Variants in AFF3 observed in about 807,000 individuals in gnomAD.
AFF3 encodes ALF transcription elongation factor 3, also known as AF4/FMR2 family member 3.
A neutral mutation model predicts 129.7 loss-of-function variants in AFF3; 32 were observed. The observed-to-expected ratio is 0.25, with a 90% CI of 0.19 to 0.33. The LOEUF (loss-of-function observed/expected upper bound fraction) is 0.33. Among genes scored for constraint, AFF3 ranks in the 10% least tolerant of loss-of-function variants. The pLI is 1.00. For missense variants in AFF3, 1,373 were observed against 1,592.0 expected (o/e 0.86, Z 2.34); for synonymous variants, 644 against 635.4 (o/e 1.01, Z -0.20).
chr2:99,724,601 C>CT (rs1344246641), intron 11 of AFF3, among the ~76,000 whole-genome samples: 1 of 151,974 alleles, frequency 6.6e-6, no homozygotes, highest in African/African-American at 2.4e-5. Flanking sequence ...CCTCAGATTC[C>CT]TTATCCATAA....
chr2:99,717,353 G>C (rs1481373132), intron 11 of AFF3, among the ~76,000 whole-genome samples: 1 of 152,158 alleles, frequency 6.6e-6, no homozygotes, highest in Non-Finnish European at 1.5e-5. Context: ...CAACGCATGA[G>C]AGTTTAAATT....
chr2:99,684,782 A>C (rs1674882494), intron 11 of AFF3, among the ~76,000 whole-genome samples: 1 of 150,178 alleles, frequency 6.7e-6, no homozygotes, highest in Non-Finnish European at 1.5e-5. Flanking sequence ...CAGCCCATGA[A>C]TTCAGCTTTA....
intron 17 of AFF3, 104 bp from the exon 18 acceptor site, chr2:99,578,555 T>C (rs551332323): frequency 6.7e-7 from 1 of 1,495,768 alleles, no homozygotes; most frequent in African/African-American, 1.4e-5. Context: ...CTACAGAACA[T>C]CTTTGTGTGC....
At chr2:99,957,170 CGTGTGTGTGTGCGT>C (rs939013079) in intron 7 of AFF3, among the ~76,000 whole-genome samples, 1 of 147,764 alleles carries the variant, frequency 6.8e-6, no homozygotes, top group Non-Finnish European at 1.5e-5. Context: ...TGTGCATGTA[CGTGTGTGTGTGCGT>C]GTGTGTGTGT....
chr2:99,624,403 A>T (rs1032736182), intron 13 of AFF3, among the ~76,000 whole-genome samples: 4 of 152,210 alleles, frequency 2.6e-5, no homozygotes, highest in Admixed American at 2.0e-4. Context: ...TTTATATTAT[A>T]ATATTTACTA....
At chr2:99,662,414 T>TA (rs1483711168) in intron 12 of AFF3, among the ~76,000 whole-genome samples, 1 of 152,120 alleles carries the variant, frequency 6.6e-6, no homozygotes, top group Non-Finnish European at 1.5e-5. Flanking sequence ...AAAACGAACA[T>TA]ACAGTATTCT....
intron 7 of AFF3, among the ~76,000 whole-genome samples, chr2:99,873,295 C>T (rs564338823): frequency 1.1e-3 from 167 of 152,298 alleles, no homozygotes; most frequent in African/African-American, 3.7e-3. Flanking sequence ...CTGCTAATAG[C>T]GTTTGGTAGC....
intron 11 of AFF3, among the ~76,000 whole-genome samples, chr2:99,692,652 T>C (rs1421289197): frequency 6.6e-6 from 1 of 152,202 alleles, no homozygotes; most frequent in East Asian, 1.9e-4. Flanking sequence ...ATCACTCCTC[T>C]AGAAGTCCAC....
At chr2:100,077,416 G>A (rs1207543570) in intron 4 of AFF3, among the ~76,000 whole-genome samples, 1 of 152,058 alleles carries the variant, frequency 6.6e-6, no homozygotes, top group Non-Finnish European at 1.5e-5. Context: ...GTCAGAATGT[G>A]GAGCTCCTCT....
intron 7 of AFF3, among the ~76,000 whole-genome samples, chr2:99,894,988 A>G (rs1693837428): frequency 6.6e-6 from 1 of 152,196 alleles, no homozygotes; most frequent in Non-Finnish European, 1.5e-5. Context: ...GCTGCCTTTC[A>G]TTCAGCATTT....
At chr2:99,716,612 G>A (rs903404676) in intron 11 of AFF3, among the ~76,000 whole-genome samples, 1 of 151,638 alleles carries the variant, frequency 6.6e-6, no homozygotes, top group African/African-American at 2.4e-5. Flanking sequence ...GCTGGGTGTG[G>A]TGGCTCATGT....
chr2:100,137,531 G>A (rs1027835728), intron 1 of AFF3, among the ~76,000 whole-genome samples: 8 of 135,428 alleles, frequency 5.9e-5, no homozygotes, highest in Middle Eastern at 8.1e-3. Flanking sequence ...ACGTGCACAC[G>A]TGCATACACA....
rs921361917 is a variant in AFF3, at chr2:99,548,206, C to T, written c.*3268G>A. 1 of 196,014 alleles carries T rather than the reference C, an allele frequency of 5.1e-6. No homozygotes were observed. The highest frequency in any genetic ancestry group is 2.3e-5 in the African/African-American group (1 of 43,272). The allele number at this position is 196,014 out of a possible 1,614,324, so 12.1% of individuals were successfully genotyped here. On this transcript the variant is annotated 3_prime_UTR_variant, in exon 25 of 25. Coordinates refer to ENST00000672756, the MANE Select transcript of AFF3 (RefSeq NM_001386135.1). ...TCATGGAAGGATATGGTCAGTTGAA[C>T]TTGTGTTGAACTTTGGAGGCAAATG...
At chr2:99,924,492 C>T (rs369399638) in intron 7 of AFF3, among the ~76,000 whole-genome samples, 87 of 152,316 alleles carry the variant, frequency 5.7e-4, no homozygotes, top group African/African-American at 2.1e-3. Flanking sequence ...CTCTAGTCCT[C>T]TCAGAATTCT....
chr2:99,824,476 TA>T (rs1234087587), intron 8 of AFF3, among the ~76,000 whole-genome samples: 1 of 152,052 alleles, frequency 6.6e-6, no homozygotes, highest in Admixed American at 6.5e-5. Flanking sequence ...GAAGTCACAA[TA>T]AAAAAGGCAC....
chr2:99,572,003 A>T (rs970796067), intron 18 of AFF3, among the ~76,000 whole-genome samples: 5 of 152,062 alleles, frequency 3.3e-5, no homozygotes, highest in Non-Finnish European at 7.4e-5. Flanking sequence ...TTTTTTTAAC[A>T]TGGAAAACCT....
At chr2:100,049,396 T>C (rs992035049) in intron 4 of AFF3, among the ~76,000 whole-genome samples, 1 of 152,222 alleles carries the variant, frequency 6.6e-6, no homozygotes, top group Non-Finnish European at 1.5e-5. Context: ...TTGAAAAAGC[T>C]GGAAGACTAT....
At chr2:99,947,609 T>A (rs201459045) in intron 7 of AFF3, among the ~76,000 whole-genome samples, 2,281 of 56,522 alleles carry the variant, frequency 0.04, 73 homozygotes, top group African/African-American at 0.16. Context: ...GAAAGATAGA[T>A]AGATAGATAG....
In AFF3 at chr2:99,948,139, C is replaced by T. The variant is rs113709841; in HGVS notation, c.873+58493G>A. 3.9e-5 allele frequency among the ~76,000 whole-genome samples: 6 copies of T among 152,290 alleles called. No homozygotes were observed. In the East Asian group the frequency reaches 7.7e-4, roughly 20 times the overall value. On this transcript the variant is annotated intron_variant, in intron 7 of 24. Transcript: ENST00000672756. ...GGCTGGCTGACTCCTTTCTCCCACGCGGGTCTGCGCTGATGAGAGGCTGCT... is the reference window on the plus strand; with the variant it reads ...GGCTGGCTGACTCCTTTCTCCCACGTGGGTCTGCGCTGATGAGAGGCTGCT...
Sources: allele counts gnomAD v4.1 joint callset (sites outside exome capture counted in the v4.1 genomes callset), GRCh38; gene constraint gnomAD v4.1.1; transcripts MANE v1.5; gene names NCBI Gene and HGNC (gene_info 2026-07-23, HGNC 2026-07-21).